EYS: variants seen among roughly 807,000 people sequenced by gnomAD.
EYS encodes EGF-like photoreceptor maintenance factor.
Under a neutral mutation model 282.1 loss-of-function variants are expected in EYS, and 250 were observed. The observed-to-expected ratio is 0.89, with a 90% CI of 0.80 to 0.98. The LOEUF (loss-of-function observed/expected upper bound fraction) is 0.98, where lower values mean the gene tolerates loss of function less well. EYS is among the 50% of genes least tolerant of loss of function. The pLI is 0.00. For synonymous variants in EYS, 1,355 were observed against 1,282.9 expected, an observed-to-expected ratio of 1.06 and a Z score of -1.20; for missense variants, 4,016 against 3,709.0, an observed-to-expected ratio of 1.08 and a Z score of -2.15.
intron 13 of EYS, among the ~76,000 whole-genome samples, chr6:65,027,935 G>A (rs560739905): frequency 1.3e-5 from 2 of 152,104 alleles, no homozygotes; most frequent in African/African-American, 4.8e-5. Context: ...TTGATTGCTG[G>A]ATTGTATGGT....
chr6:64,489,070 C>G (rs183982519), intron 26 of EYS, among the ~76,000 whole-genome samples: 27 of 150,944 alleles, frequency 1.8e-4, no homozygotes, highest in Middle Eastern at 3.4e-3. Context: ...AAAATGCTGT[C>G]TCATAGAAAG....
At chr6:64,665,170 G>A (rs768906425) in intron 22 of EYS, among the ~76,000 whole-genome samples, 6 of 152,008 alleles carry the variant, frequency 3.9e-5, no homozygotes, top group Non-Finnish European at 8.8e-5. Context: ...ATAATGTTCT[G>A]GCATTTATAA....
chr6:63,934,909 A>C (rs995670107), intron 35 of EYS, among the ~76,000 whole-genome samples: 3 of 152,188 alleles, frequency 2.0e-5, no homozygotes, highest in Non-Finnish European at 4.4e-5. Flanking sequence ...TAAAAAAATA[A>C]AAATAACAAA....
chr6:65,360,700 T>G (rs1032197245), intron 8 of EYS, among the ~76,000 whole-genome samples: 1 of 152,104 alleles, frequency 6.6e-6, no homozygotes, highest in Non-Finnish European at 1.5e-5. Flanking sequence ...CCAACTGTTA[T>G]GCTAAAAAGA....
chr6:65,690,395 C>T (rs951995161), intron 1 of EYS, among the ~76,000 whole-genome samples: 2 of 149,610 alleles, frequency 1.3e-5, no homozygotes, highest in Non-Finnish European at 3.0e-5. Flanking sequence ...GGACAGGTGC[C>T]CCTCATGCGT....
chr6:65,505,993 G>T, intron 2 of EYS, among the ~76,000 whole-genome samples: 1 of 152,156 alleles, frequency 6.6e-6, no homozygotes, highest in South Asian at 2.1e-4. Context: ...GTATCCAACC[G>T]TAATGGTGGG....
At chr6:65,024,258 G>A (rs1772331836) in intron 13 of EYS, among the ~76,000 whole-genome samples, 1 of 152,268 alleles carries the variant, frequency 6.6e-6, no homozygotes, top group South Asian at 2.1e-4. Flanking sequence ...AGCATTCATA[G>A]CAATGACATG....
At chr6:64,096,080 C>A (rs186002848) in intron 31 of EYS, among the ~76,000 whole-genome samples, 61 of 152,274 alleles carry the variant, frequency 4.0e-4, no homozygotes, top group African/African-American at 1.4e-3. Flanking sequence ...AATATTGGCC[C>A]CCACTCTCTT....
chr6:64,108,501 C>T (rs893112278), intron 31 of EYS, among the ~76,000 whole-genome samples: 2 of 136,650 alleles, frequency 1.5e-5, no homozygotes, highest in Admixed American at 7.3e-5. Context: ...CAGAAGTCCA[C>T]TACTGCTTTT....
chr6:64,231,173 ATTGT>A (rs897565629), intron 30 of EYS, among the ~76,000 whole-genome samples: 12 of 152,136 alleles, frequency 7.9e-5, no homozygotes, highest in Non-Finnish European at 1.8e-4. Context: ...TCATGCTAAG[ATTGT>A]TTGAACTTGA....
chr6:64,061,394 T>C (rs571913742), intron 33 of EYS, among the ~76,000 whole-genome samples: 1 of 152,320 alleles, frequency 6.6e-6, no homozygotes, highest in East Asian at 1.9e-4. Context: ...TGTGATCCCT[T>C]TCAAAATTCG....
At position 65,556,387 on chromosome 6, in the gene EYS, T is replaced by TTGTGTGTGTGTGTGTGTGTGTG. The variant is rs10602177; in HGVS notation, c.-332-60416_-332-60395dup. On this transcript the variant is annotated intron_variant, in intron 2 of 42. Coordinates refer to ENST00000503581, the MANE Select transcript of EYS (RefSeq NM_001142800.2). The stretch of plus-strand genomic sequence containing the variant: ...TAATATGTGGAGGAGACTGCTGGGT[T>TTGTGTGTGTGTGTGTGTGTGTG]TGTGTGTGTGTGTGTGTGTGTGTAT... 3.7e-3 allele frequency among the ~76,000 whole-genome samples: 551 copies of TTGTGTGTGTGTGTGTGTGTGTG among 148,916 alleles called. 1 individual carries two copies. The highest frequency in any genetic ancestry group is 0.025 in the East Asian group (125 of 4,954).
intron 11 of EYS, among the ~76,000 whole-genome samples, chr6:65,322,676 T>C (rs1769507037): frequency 6.6e-6 from 1 of 151,184 alleles, no homozygotes; most frequent in Non-Finnish European, 1.5e-5. Context: ...GCGCCTGTAG[T>C]CCCAGCTACT....
intron 26 of EYS, among the ~76,000 whole-genome samples, chr6:64,571,014 G>C (rs1251459974): frequency 6.6e-6 from 1 of 152,076 alleles, no homozygotes; most frequent in Non-Finnish European, 1.5e-5. Flanking sequence ...TTCTAAAATT[G>C]ACCATATAAT....
intron 40 of EYS, among the ~76,000 whole-genome samples, chr6:63,775,717 A>G (rs1482496811): frequency 6.6e-6 from 1 of 152,182 alleles, no homozygotes; most frequent in Non-Finnish European, 1.5e-5. Context: ...AGGTATTCTT[A>G]TATTGAGATT....
At chr6:63,950,239 G>A (rs114754500) in intron 35 of EYS, among the ~76,000 whole-genome samples, 2,322 of 151,406 alleles carry the variant, frequency 0.015, 58 homozygotes, top group African/African-American at 0.053. Context: ...TCAGGCTTCT[G>A]GGCCCAAGCC....
At chr6:65,137,633 T>C (rs1185407090) in intron 12 of EYS, among the ~76,000 whole-genome samples, 1 of 152,008 alleles carries the variant, frequency 6.6e-6, no homozygotes, top group Non-Finnish European at 1.5e-5. Context: ...TGAGTGATAA[T>C]GGCTGCTGGA....
At chr6:65,509,687 C>T (rs540728144) in intron 2 of EYS, among the ~76,000 whole-genome samples, 4 of 152,298 alleles carry the variant, frequency 2.6e-5, no homozygotes, top group Admixed American at 6.5e-5. Flanking sequence ...GATGAAGTAG[C>T]TCTTAAGATT....
At chr6:63,938,798 A>G (rs1245332437) in intron 35 of EYS, among the ~76,000 whole-genome samples, 1 of 152,224 alleles carries the variant, frequency 6.6e-6, no homozygotes, top group East Asian at 1.9e-4. Context: ...GGAAAAGCCT[A>G]ATTTCTAAGT....
Sources: gnomAD v4.1 joint callset for allele counts (sites outside exome capture counted in the v4.1 genomes callset) on GRCh38, gnomAD v4.1.1 for gene constraint, MANE v1.5 for transcripts, NCBI Gene and HGNC (gene_info 2026-07-23, HGNC 2026-07-21) for gene names.